RPS10: variants seen among roughly 807,000 people sequenced by gnomAD.
RPS10 encodes ribosomal protein S10.
Under a neutral mutation model 22.6 loss-of-function variants are expected in RPS10, and 2 were observed. The ratio of observed to expected loss-of-function variants is 0.09; its 90% CI spans 0.04 to 0.28. The LOEUF (loss-of-function observed/expected upper bound fraction) is 0.28. Ranked by LOEUF, RPS10 falls within the 10% of genes least tolerant of loss-of-function variation. The probability of loss-of-function intolerance (pLI) is 1.00; values close to 1 mark genes in which losing one functional copy is unlikely to be tolerated. For missense variants in RPS10, 137 were observed against 222.2 expected (o/e 0.62, Z 2.44); for synonymous variants, 70 against 75.9 (o/e 0.92, Z 0.40).
intron 4 of RPS10, among the ~76,000 whole-genome samples, chr6:34,421,431 AC>A (rs1389697228): frequency 6.7e-6 from 1 of 149,008 alleles, no homozygotes; most frequent in Non-Finnish European, 1.5e-5. Flanking sequence ...TAATCTGCCC[AC>A]TTCGACCCCC....
chr6:34,421,022 TAA>T (rs751404903), intron 4 of RPS10, among the ~76,000 whole-genome samples: 5 of 115,162 alleles, frequency 4.3e-5, no homozygotes, highest in South Asian at 2.7e-4. Flanking sequence ...GAAAGAAAAT[TAA>T]AAAAAAAAAA....
Position 34,417,534 on chromosome 6 carries a change from C to G in RPS10, c.470G>C (p.Gly157Ala). The change falls in exon 6 of 6, where the codon GGT becomes GCT. Residue 157 changes from glycine (G) to alanine (A), a missense_variant. Physicochemically the swap from Gly to Ala is moderately conservative, Grantham distance 60. Transcript: ENST00000648437. ...ATEFQFRGGF[G>A]RGRGQPPQ is the part of the protein sequence containing the mutation. ...CTGAGGTGGCTGACCACGTCCACGA[C>G]CAAATCCGCCTCTCTGTAAGAGAAA... 6.2e-7 allele frequency: 1 copy of G among 1,613,246 alleles called. No homozygotes were observed. The highest frequency in any genetic ancestry group is 8.5e-7 in the Non-Finnish European group (1 of 1,179,986).
intron 5 of RPS10, chr6:34,417,977 C>T: frequency 4.2e-6 from 3 of 707,454 alleles, no homozygotes; most frequent in South Asian, 3.1e-5. Flanking sequence ...CTGTAATTAT[C>T]ACCTTATTTT....
chr6:34,417,723 A>G, intron 5 of RPS10, 176 bp from the exon 6 acceptor site: 1 of 730,012 alleles, frequency 1.4e-6, no homozygotes, highest in Non-Finnish European at 2.5e-6. Context: ...GTGGGGCCAT[A>G]TCTAACATCT....
At position 34,418,444 on chromosome 6, in the gene RPS10, T is replaced by C. The variant is rs778507034; in HGVS notation, c.401-20A>G. Reference sequence around the variant, plus strand: ...CACCAGCTAGAAAGTGAAACATCGATTTAGAATCATCATATGATCTAATCT... The same window carrying C: ...CACCAGCTAGAAAGTGAAACATCGACTTAGAATCATCATATGATCTAATCT... On this transcript the variant is annotated intron_variant, in intron 4 of 5. Transcript: ENST00000648437. 19 of 1,614,058 alleles carry C rather than the reference T, an allele frequency of 1.2e-5. No homozygotes were observed. The highest frequency in any genetic ancestry group is 1.1e-5 in the South Asian group (1 of 91,076).
intron 3 of RPS10, among the ~76,000 whole-genome samples, chr6:34,422,426 C>T (rs1375866098): frequency 2.0e-5 from 3 of 152,184 alleles, no homozygotes; most frequent in African/African-American, 7.2e-5. Context: ...GCAGTTCTCT[C>T]ACCCCAGCCT....
intron 4 of RPS10, among the ~76,000 whole-genome samples, chr6:34,421,092 A>G (rs1018422739): frequency 6.9e-6 from 1 of 143,924 alleles, no homozygotes; most frequent in African/African-American, 2.7e-5. Flanking sequence ...CATTTTACCG[A>G]AGAGGTTTTT....
At chr6:34,418,274 A>T (rs1199617665) in intron 5 of RPS10, 95 bp downstream of exon 5, 2 of 1,602,624 alleles carry the variant, frequency 1.2e-6, no homozygotes, top group East Asian at 4.5e-5. Context: ...GACAGGACCC[A>T]CCCATACTAT....
At chr6:34,423,589 A>C (rs575848746) in intron 3 of RPS10, among the ~76,000 whole-genome samples, 39 of 152,158 alleles carry the variant, frequency 2.6e-4, no homozygotes, top group Non-Finnish European at 5.1e-4. Context: ...CTTTTGCTAA[A>C]AAGACGTATT....
At chr6:34,419,373 G>A (rs1765686004) in intron 4 of RPS10, among the ~76,000 whole-genome samples, 1 of 151,536 alleles carries the variant, frequency 6.6e-6, no homozygotes, top group African/African-American at 2.4e-5. Flanking sequence ...ATGTTGCCCG[G>A]GCTGGTCTAG....
chr6:34,422,953 C>T (rs1185393223), intron 3 of RPS10, among the ~76,000 whole-genome samples: 1 of 151,820 alleles, frequency 6.6e-6, no homozygotes, highest in Non-Finnish European at 1.5e-5. Context: ...TGGTGGTGCA[C>T]GCCTGTGATC....
chr6:34,421,333 A>C (rs1765759275), intron 4 of RPS10, among the ~76,000 whole-genome samples: 2 of 151,650 alleles, frequency 1.3e-5, no homozygotes, highest in Non-Finnish European at 2.9e-5. Flanking sequence ...ACAGACGCCC[A>C]CCACCACACC....
intron 3 of RPS10, chr6:34,424,159 A>AAAAAAAAAAAAAAAAAAAAAAAAC (rs1765869138): frequency 6.6e-6 from 1 of 150,558 alleles, no homozygotes; most frequent in African/African-American, 2.5e-5. Flanking sequence ...AAAAAAAAAA[A>AAAAAAAAAAAAAAAAAAAAAAAAC]AAAAAGCAAC....
intron 4 of RPS10, among the ~76,000 whole-genome samples, chr6:34,419,094 C>T (rs1356164892): frequency 5.3e-5 from 8 of 151,982 alleles, no homozygotes; most frequent in Non-Finnish European, 1.2e-4. Context: ...TCTCGGCTCA[C>T]TGCAACCTCC....
rs184117742 is a variant in RPS10, at chr6:34,419,885, A to T, written c.401-1461T>A. Among the ~76,000 whole-genome samples, 12 of 151,958 alleles carry T rather than the reference A, an allele frequency of 7.9e-5. No individual in the cohort carries two copies. In the East Asian group the frequency reaches 2.3e-3, roughly 29 times the overall value. ...GGGCCACCGCGCCCGGCCCTGATTT[A>T]TTTGAGTTGGTGCGGGGGGCAGGGT... On this transcript the variant is annotated intron_variant, in intron 4 of 5. Coordinates refer to ENST00000648437, the MANE Select transcript of RPS10 (RefSeq NM_001014.5).
At chr6:34,425,269 G>C in intron 1 of RPS10, 48 bp from the exon 2 acceptor site, 1 of 1,560,160 alleles carries the variant, frequency 6.4e-7, no homozygotes, top group Non-Finnish European at 8.7e-7. Flanking sequence ...TAACGAGGCC[G>C]GGGCCCGGTA....
chr6:34,417,588 T>TGG, intron 5 of RPS10, 41 bp from the exon 6 acceptor site: 2 of 1,609,572 alleles, frequency 1.2e-6, no homozygotes, highest in Non-Finnish European at 1.7e-6. Flanking sequence ...AGCGGCACTC[T>TGG]GGTTTGATCT....
At chr6:34,417,620 A>C (rs1765623837) in intron 5 of RPS10, 73 bp from the exon 6 acceptor site, 6 of 1,482,428 alleles carry the variant, frequency 4.0e-6, no homozygotes, top group Admixed American at 1.7e-5. Flanking sequence ...GCTAACTTTC[A>C]GGCCTCATTA....
At chr6:34,423,433 G>C (rs947734375) in intron 3 of RPS10, among the ~76,000 whole-genome samples, 4 of 152,152 alleles carry the variant, frequency 2.6e-5, no homozygotes, top group African/African-American at 9.7e-5. Context: ...CACTCAGGCA[G>C]AATGAACTCC....
Sources: gnomAD v4.1 joint callset for allele counts (sites outside exome capture counted in the v4.1 genomes callset) on GRCh38, gnomAD v4.1.1 for gene constraint, MANE v1.5 for transcripts, NCBI Gene and HGNC (gene_info 2026-07-23, HGNC 2026-07-21) for gene names.